The following MBP variants were observed in gnomAD, a reference collection of about 807,000 sequenced individuals.
The protein encoded by MBP is myelin basic protein, also known as Golli-MBP.
In MBP, 16 loss-of-function variants were observed where a neutral mutation model predicts 35.8. That is an observed-to-expected ratio of 0.45 (90% confidence interval 0.30 to 0.68). The LOEUF (loss-of-function observed/expected upper bound fraction) is 0.68. MBP is among the 30% of genes least tolerant of loss of function. The pLI, the probability that MBP is intolerant of heterozygous loss-of-function variation, is 0.08. For missense variants in MBP, 380 were observed against 404.7 expected (o/e 0.94, Z 0.52); for synonymous variants, 143 against 159.6 (o/e 0.90, Z 0.78).
At chr18:77,088,381 G>T (rs541416877) in intron 2 of MBP, among the ~76,000 whole-genome samples, 1 of 152,140 alleles carries the variant, frequency 6.6e-6, no homozygotes, top group African/African-American at 2.4e-5. Context: ...GCACCCCAAA[G>T]ACCCACCTCT....
At chr18:77,088,242 G>T (rs1975345942) in intron 2 of MBP, among the ~76,000 whole-genome samples, 2 of 151,778 alleles carry the variant, frequency 1.3e-5, no homozygotes, top group African/African-American at 4.8e-5. Flanking sequence ...CTTTGGTGAG[G>T]GCCCCGGGCA....
chr18:77,052,825 C>T (rs924149293), intron 3 of MBP, among the ~76,000 whole-genome samples: 1 of 152,172 alleles, frequency 6.6e-6, no homozygotes, highest in African/African-American at 2.4e-5. Context: ...CGAGCCCCCA[C>T]TCCTCTCCAC....
At chr18:77,113,048 C>T (rs1976527295) in intron 1 of MBP, 1 of 152,168 alleles carries the variant, frequency 6.6e-6, no homozygotes, top group African/African-American at 2.4e-5. Flanking sequence ...CAAGCAATCT[C>T]CTGCCTCAGA....
At chr18:77,000,384 G>A (rs1026811731) in intron 4 of MBP, among the ~76,000 whole-genome samples, 6 of 152,210 alleles carry the variant, frequency 3.9e-5, no homozygotes, top group Admixed American at 1.3e-4. Flanking sequence ...TTACTCAACA[G>A]TGTTGGGGCC....
chr18:77,108,073 G>C (rs1016984309), intron 1 of MBP, among the ~76,000 whole-genome samples: 2 of 152,214 alleles, frequency 1.3e-5, no homozygotes, highest in African/African-American at 4.8e-5. Flanking sequence ...TGGTGGGAAC[G>C]ACAGAGCATC....
At chr18:77,077,279 T>C (rs1974697674) in intron 2 of MBP, among the ~76,000 whole-genome samples, 1 of 147,218 alleles carries the variant, frequency 6.8e-6, no homozygotes, top group African/African-American at 2.5e-5. Flanking sequence ...GGAGAATTGC[T>C]TGAACCTGGG....
At chr18:77,059,802 GA>G (rs1568318264) in intron 3 of MBP, among the ~76,000 whole-genome samples, 1 of 152,132 alleles carries the variant, frequency 6.6e-6, no homozygotes, top group South Asian at 2.1e-4. Flanking sequence ...ATTTGTGGAA[GA>G]AAAAACACAC....
At chr18:77,105,379 T>C (rs1976234243) in intron 1 of MBP, 93 bp from the exon 2 acceptor site, 3 of 747,270 alleles carry the variant, frequency 4.0e-6, no homozygotes, top group Non-Finnish European at 4.7e-6. Flanking sequence ...CTGTGATATA[T>C]GTAATGCCCA....
chr18:77,025,350 G>A (rs1972165779), intron 3 of MBP, among the ~76,000 whole-genome samples: 1 of 152,172 alleles, frequency 6.6e-6, no homozygotes, highest in Non-Finnish European at 1.5e-5. Flanking sequence ...GAGGCTTTCT[G>A]ATCTGTCGGG....
intron 3 of MBP, among the ~76,000 whole-genome samples, chr18:77,026,630 T>C (rs1972235685): frequency 6.6e-6 from 1 of 152,062 alleles, no homozygotes; most frequent in African/African-American, 2.4e-5. Context: ...CAAGCAGATC[T>C]TAAATGGGGA....
chr18:77,105,326 C>T (rs934521531), intron 1 of MBP, 40 bp from the exon 2 acceptor site: 3 of 1,289,564 alleles, frequency 2.3e-6, no homozygotes, highest in Non-Finnish European at 3.4e-6. Flanking sequence ...AAGTCTAGTG[C>T]TCTTAGAGTT....
chr18:77,064,789 A>C (rs1432148922), intron 3 of MBP, among the ~76,000 whole-genome samples: 1 of 152,216 alleles, frequency 6.6e-6, no homozygotes, highest in Non-Finnish European at 1.5e-5. Flanking sequence ...GTTGTCTGTA[A>C]CCTACAGGGT....
intron 3 of MBP, among the ~76,000 whole-genome samples, chr18:77,047,081 T>G (rs1973288046): frequency 1.3e-5 from 2 of 152,144 alleles, no homozygotes; most frequent in African/African-American, 2.4e-5. Context: ...AAAGTCTAAA[T>G]GAACAAACCT....
At chr18:77,048,471 T>C (rs1973345757) in intron 3 of MBP, among the ~76,000 whole-genome samples, 1 of 152,214 alleles carries the variant, frequency 6.6e-6, no homozygotes, top group South Asian at 2.1e-4. Context: ...AGGATCTTTT[T>C]TTTTGTTGGC....
At chr18:77,127,834 A>G (rs962857818) in intron 1 of MBP, 8 of 152,112 alleles carry the variant, frequency 5.3e-5, no homozygotes, top group Non-Finnish European at 1.0e-4. Context: ...AGATATCACT[A>G]CACACTTATT....
intron 4 of MBP, chr18:77,015,281 C>G (rs1415546023): frequency 3.0e-6 from 3 of 984,668 alleles, no homozygotes; most frequent in African/African-American, 3.5e-5. Context: ...TTTTTCTGTA[C>G]CTTGAAGTAA....
intron 3 of MBP, among the ~76,000 whole-genome samples, chr18:77,042,095 C>G (rs1973032615): frequency 1.3e-5 from 2 of 152,112 alleles, no homozygotes; most frequent in Admixed American, 6.5e-5. Context: ...TCAAGGAAAA[C>G]CATGAATTCA....
chr18:77,022,090 A>AT (rs968276576), intron 3 of MBP, among the ~76,000 whole-genome samples: 1 of 152,124 alleles, frequency 6.6e-6, no homozygotes, highest in African/African-American at 2.4e-5. Context: ...AGTGCTTCTG[A>AT]TTTTTTTAAT....
Position 77,054,408 on chromosome 18 carries a change from C to T in MBP, c.139+11890G>A, listed in dbSNP as rs185186109. The stretch of plus-strand genomic sequence containing the variant: ...TGCTTCAGCCACACCCAGGAGGCTG[C>T]GGGAGGGAGGGGCCGCAGGAGATGT... On this transcript the variant is annotated intron_variant, in intron 3 of 8. Transcript: ENST00000355994. Among the ~76,000 whole-genome samples, 503 of 152,300 alleles carry T rather than the reference C, an allele frequency of 3.3e-3. 1 individual carries two copies. The highest frequency in any genetic ancestry group is 0.011 in the African/African-American group (474 of 41,552).
Sources: allele counts gnomAD v4.1 joint callset (sites outside exome capture counted in the v4.1 genomes callset), GRCh38; gene constraint gnomAD v4.1.1; transcripts MANE v1.5; gene names NCBI Gene and HGNC (gene_info 2026-07-23, HGNC 2026-07-21).